PTPN20: variants seen among roughly 807,000 people sequenced by gnomAD.
The protein encoded by PTPN20 is tyrosine-protein phosphatase non-receptor type 20.
Under a neutral mutation model 35.0 loss-of-function variants are expected in PTPN20, and 9 were observed. The observed-to-expected ratio is 0.26, with a 90% CI of 0.15 to 0.45. The LOEUF (loss-of-function observed/expected upper bound fraction) is 0.45. PTPN20 is among the 20% of genes least tolerant of loss of function. The probability of loss-of-function intolerance (pLI) is 1.00; values close to 1 mark genes in which losing one functional copy is unlikely to be tolerated. For missense variants in PTPN20, 111 were observed against 312.5 expected, an observed-to-expected ratio of 0.36 and a Z score of 4.86; for synonymous variants, 32 against 100.2, an observed-to-expected ratio of 0.32 and a Z score of 4.06.
At chr10:46,992,837 T>A (rs2058252450) in intron 9 of PTPN20, among the ~76,000 whole-genome samples, 1 of 152,242 alleles carries the variant, frequency 6.6e-6, no homozygotes, top group South Asian at 2.1e-4. Flanking sequence ...CTTTCTCTTC[T>A]GAGAGGGCAC....
Position 46,931,481 on chromosome 10 carries a change from C to T in PTPN20, c.-123-896C>T, listed in dbSNP as rs2039573969. ...TGGCATGATCTTGGCTCACTGTATC[C>T]TCCTCCCAGGCTCAAGCCATTCTCC... On this transcript the variant is annotated intron_variant, in intron 1 of 10. Coordinates refer to ENST00000374339, the MANE Select transcript of PTPN20 (RefSeq NM_001042357.5). Among the ~76,000 whole-genome samples, 3 of 141,344 alleles carry T rather than the reference C, an allele frequency of 2.1e-5. 1 individual carries two copies. Among genetic ancestry groups the T allele is most frequent in the African/African-American group, 8.9e-5 (3 of 33,638 alleles). The allele number at this position is 141,344 out of a possible 152,430, so 92.7% of individuals were successfully genotyped here.
At chr10:46,953,261 T>A (rs1383849228) in intron 5 of PTPN20, among the ~76,000 whole-genome samples, 2 of 146,216 alleles carry the variant, frequency 1.4e-5, no homozygotes, top group Admixed American at 6.7e-5. Context: ...GGAATTTTTT[T>A]AAGTAGATAC....
chr10:46,968,895 T>TA (rs1236233462), intron 7 of PTPN20, among the ~76,000 whole-genome samples: 2 of 102,996 alleles, frequency 1.9e-5, no homozygotes, highest in East Asian at 8.5e-4. Context: ...CTCAGCTGGT[T>TA]ACGTTCTTCT....
chr10:46,936,235 G>A (rs1440859917), intron 2 of PTPN20, among the ~76,000 whole-genome samples: 9 of 151,972 alleles, frequency 5.9e-5, no homozygotes, highest in African/African-American at 9.7e-5. Context: ...GTATCAGAAC[G>A]ATGCTGGCCT....
chr10:46,982,431 G>A (rs1399756637), intron 7 of PTPN20, among the ~76,000 whole-genome samples: 2 of 151,608 alleles, frequency 1.3e-5, no homozygotes, highest in Admixed American at 1.3e-4. Flanking sequence ...TCCACAGTTT[G>A]CTTCTGAAAT....
chr10:46,983,684 T>G (rs1161932037), intron 7 of PTPN20, among the ~76,000 whole-genome samples: 9 of 128,438 alleles, frequency 7.0e-5, no homozygotes, highest in Non-Finnish European at 1.3e-4. Flanking sequence ...TATCACCAGA[T>G]GAAGGCTGAG....
intron 2 of PTPN20, 76 bp downstream of exon 2, chr10:46,932,609 A>G: frequency 5.7e-6 from 9 of 1,569,612 alleles, no homozygotes; most frequent in African/African-American, 5.5e-5. Context: ...GTAGATTTGC[A>G]TAGGGACCAC....
At chr10:46,935,323 T>TTA (rs1287247774) in intron 2 of PTPN20, among the ~76,000 whole-genome samples, 27 of 115,840 alleles carry the variant, frequency 2.3e-4, no homozygotes, top group Non-Finnish European at 3.8e-4. Context: ...TTTTTTTTTT[T>TTA]TTATTGTTGT....
In PTPN20 at chr10:46,932,520, T is replaced by A. The variant is rs1258189914; in HGVS notation, c.21T>A (p.Phe7Leu). The change falls in exon 2 of 11, where the codon TTT becomes TTA. Residue 7 changes from phenylalanine to leucine, a missense_variant. Transcript: ENST00000374339. MSSPRD[F>L]RAEPVNDYEG... is the part of the protein sequence containing the mutation. ...ACAACATGTCTTCACCTAGGGACTT[T>A]AGAGCAGAGCCTGGTAGGTGCATCA... is the stretch of plus-strand genomic sequence containing the variant. The A allele has an allele frequency of 1.9e-6, 3 of 1,612,038 alleles. No homozygotes were observed. In the East Asian group the frequency reaches 6.7e-5, roughly 36 times the overall value.
At chr10:46,988,164 T>A (rs1308882556) in intron 9 of PTPN20, among the ~76,000 whole-genome samples, 5 of 151,750 alleles carry the variant, frequency 3.3e-5, no homozygotes, top group African/African-American at 9.7e-5. Context: ...GATGTGATGA[T>A]TACAATATTT....
intron 7 of PTPN20, among the ~76,000 whole-genome samples, chr10:46,977,497 A>T (rs1321779958): frequency 1.3e-5 from 2 of 152,128 alleles, no homozygotes; most frequent in Non-Finnish European, 2.9e-5. Flanking sequence ...TAGTGAATAG[A>T]GTATTAATAA....
intron 2 of PTPN20, among the ~76,000 whole-genome samples, chr10:46,939,290 ATTCTC>A (rs1439219316): frequency 8.1e-6 from 1 of 123,428 alleles, no homozygotes; most frequent in Non-Finnish European, 1.6e-5. Context: ...ATAACTTATA[ATTCTC>A]TTATAAAAGT....
At chr10:46,936,390 T>A (rs2041668315) in intron 2 of PTPN20, among the ~76,000 whole-genome samples, 1 of 152,296 alleles carries the variant, frequency 6.6e-6, no homozygotes, top group South Asian at 2.1e-4. Flanking sequence ...TAGGTTTTTT[T>A]AAATTACTGA....
chr10:46,939,080 T>C (rs1555130799), intron 2 of PTPN20, among the ~76,000 whole-genome samples: 1 of 151,270 alleles, frequency 6.6e-6, no homozygotes, highest in Non-Finnish European at 1.5e-5. Flanking sequence ...AGCTCCTTCC[T>C]AGGTTTGCGG....
At chr10:47,003,241 C>T (rs905584760), downstream of PTPN20, among the ~76,000 whole-genome samples, 1 of 151,934 alleles carries the variant, frequency 6.6e-6, no homozygotes, top group Non-Finnish European at 1.5e-5. Context: ...GAAACTTGAA[C>T]GTGATAACAT....
chr10:46,954,457 CTCT>C (rs2047830767), intron 5 of PTPN20, among the ~76,000 whole-genome samples: 1 of 145,388 alleles, frequency 6.9e-6, no homozygotes, highest in Non-Finnish European at 1.5e-5. Context: ...TTAGGTGTCT[CTCT>C]TTTTTTTAAT....
intron 5 of PTPN20, among the ~76,000 whole-genome samples, chr10:46,956,083 AT>A (rs1172975055): frequency 1.6e-4 from 3 of 18,570 alleles, no homozygotes; most frequent in African/African-American, 3.2e-4. Flanking sequence ...CTAAGTGCTC[AT>A]TTTTTTTTCA....
chr10:47,000,089 G>C (rs2059844737), intron 10 of PTPN20, 115 bp downstream of exon 10: 2 of 1,451,546 alleles, frequency 1.4e-6, no homozygotes, highest in Non-Finnish European at 1.9e-6. Context: ...AATTCCTACT[G>C]TTTGAGGTAG....
At chr10:46,952,758 A>C (rs1242248526) in intron 5 of PTPN20, among the ~76,000 whole-genome samples, 1 of 151,878 alleles carries the variant, frequency 6.6e-6, no homozygotes, top group Admixed American at 6.6e-5. Flanking sequence ...TCACCTTGAC[A>C]CACCCTAGAG....
Sources: allele counts gnomAD v4.1 joint callset (sites outside exome capture counted in the v4.1 genomes callset), GRCh38; gene constraint gnomAD v4.1.1; transcripts MANE v1.5; gene names NCBI Gene and HGNC (gene_info 2026-07-23, HGNC 2026-07-21).